Variants in TMEM108 observed in about 807,000 individuals in gnomAD.
The protein encoded by TMEM108 is transmembrane protein 108.
A neutral mutation model predicts 35.1 loss-of-function variants in TMEM108; 12 were observed. That is an observed-to-expected ratio of 0.34 (90% CI 0.22 to 0.55). The LOEUF (loss-of-function observed/expected upper bound fraction) is 0.55, where lower values mean the gene tolerates loss of function less well. Among genes scored for constraint, TMEM108 ranks in the 20% least tolerant of loss-of-function variants. The probability of loss-of-function intolerance (pLI) is 0.89; values close to 1 mark genes in which losing one functional copy is unlikely to be tolerated. For synonymous variants in TMEM108, 287 were observed against 308.6 expected (o/e 0.93, Z 0.73); for missense variants, 680 against 753.3 (o/e 0.90, Z 1.14).
At chr3:133,340,456 A>G (rs140442537) in intron 3 of TMEM108, among the ~76,000 whole-genome samples, 1,739 of 151,740 alleles carry the variant, frequency 0.011, 15 homozygotes, top group Non-Finnish European at 0.015. Flanking sequence ...TTCTCCTAGC[A>G]AAGAAAAGCC....
At chr3:133,191,502 C>T (rs2107814670) in intron 2 of TMEM108, among the ~76,000 whole-genome samples, 1 of 152,246 alleles carries the variant, frequency 6.6e-6, no homozygotes, top group South Asian at 2.1e-4. Context: ...GTATATTTTT[C>T]ACTCATGCCA....
At chr3:133,157,432 T>TAC (rs1944897739) in intron 2 of TMEM108, among the ~76,000 whole-genome samples, 1 of 152,216 alleles carries the variant, frequency 6.6e-6, no homozygotes, top group Non-Finnish European at 1.5e-5. Flanking sequence ...TGTGTACACA[T>TAC]ACACACACAT....
At chr3:133,363,488 C>T (rs554655429) in intron 3 of TMEM108, among the ~76,000 whole-genome samples, 60 of 151,848 alleles carry the variant, frequency 4.0e-4, no homozygotes, top group African/African-American at 1.3e-3. Flanking sequence ...CACAGTTCAC[C>T]GCAGCCTCCT....
intron 3 of TMEM108, among the ~76,000 whole-genome samples, chr3:133,318,862 G>A (rs571395525): frequency 2.4e-4 from 35 of 145,230 alleles, no homozygotes; most frequent in African/African-American, 8.8e-4. Context: ...GAGCATAACA[G>A]GAAAACCAAA....
At chr3:133,187,041 G>T (rs1945431259) in intron 2 of TMEM108, among the ~76,000 whole-genome samples, 1 of 152,094 alleles carries the variant, frequency 6.6e-6, no homozygotes, top group South Asian at 2.1e-4. Context: ...TACTATATTT[G>T]ATTGTAAGCC....
chr3:133,243,866 G>A (rs925140552), intron 3 of TMEM108, among the ~76,000 whole-genome samples: 2 of 152,112 alleles, frequency 1.3e-5, no homozygotes, highest in African/African-American at 2.4e-5. Flanking sequence ...GCGGTCCCTA[G>A]AAGCAGACCT....
chr3:133,106,746 A>G (rs185811782), intron 2 of TMEM108, among the ~76,000 whole-genome samples: 121 of 152,332 alleles, frequency 7.9e-4, no homozygotes, highest in Non-Finnish European at 1.4e-3. Flanking sequence ...TGGCAGGACT[A>G]TGCAAGATCC....
chr3:133,367,369 G>C (rs576795432), intron 3 of TMEM108, among the ~76,000 whole-genome samples: 4 of 152,350 alleles, frequency 2.6e-5, no homozygotes, highest in South Asian at 4.1e-4. Context: ...TAGTGGAGGA[G>C]GGAAAAGGAG....
chr3:133,371,548 C>G (rs1190562557), intron 3 of TMEM108, among the ~76,000 whole-genome samples: 1 of 138,708 alleles, frequency 7.2e-6, no homozygotes, highest in African/African-American at 2.7e-5. Context: ...AAGAAGTAGC[C>G]ATACCACCTT....
chr3:133,367,261 G>T (rs946456880), intron 3 of TMEM108, among the ~76,000 whole-genome samples: 1 of 152,174 alleles, frequency 6.6e-6, no homozygotes, highest in African/African-American at 2.4e-5. Flanking sequence ...TTGCTGTCAG[G>T]TGCAGCCATA....
chr3:133,284,775 A>G (rs112693296), intron 3 of TMEM108, among the ~76,000 whole-genome samples: 23 of 152,322 alleles, frequency 1.5e-4, no homozygotes, highest in African/African-American at 5.5e-4. Flanking sequence ...TCTTATTCAA[A>G]CCAAGAATTA....
At chr3:133,304,014 A>G (rs1280901705) in intron 3 of TMEM108, among the ~76,000 whole-genome samples, 2 of 152,232 alleles carry the variant, frequency 1.3e-5, no homozygotes, top group Admixed American at 6.5e-5. Flanking sequence ...GCTTCAACCC[A>G]TAGTAATATG....
Position 133,284,731 on chromosome 3 carries a change from G to T in TMEM108, c.40+55380G>T, listed in dbSNP as rs1046880948. Among the ~76,000 whole-genome samples the T allele has an allele frequency of 2.0e-5, 3 of 152,256 alleles. No individual in the cohort carries two copies. In the East Asian group the frequency reaches 5.8e-4, roughly 29 times the overall value. On this transcript the variant is annotated intron_variant, in intron 3 of 5. Coordinates refer to ENST00000321871, the MANE Select transcript of TMEM108 (RefSeq NM_023943.4). ...ATTTTTCTGAATTGCTGCCTCTGTT[G>T]TTCAAACCATCCCGGATTAATGACA... is the stretch of plus-strand genomic sequence containing the variant.
intron 3 of TMEM108, among the ~76,000 whole-genome samples, chr3:133,336,915 C>G (rs1173797927): frequency 6.6e-6 from 1 of 152,112 alleles, no homozygotes; most frequent in Non-Finnish European, 1.5e-5. Context: ...ACTGGCAGTA[C>G]TCCCCTGTGG....
chr3:133,292,210 T>C (rs1221035372), intron 3 of TMEM108, among the ~76,000 whole-genome samples: 1 of 152,190 alleles, frequency 6.6e-6, no homozygotes, highest in Admixed American at 6.5e-5. Flanking sequence ...TGTGCAAGTA[T>C]GGATAAGGAA....
chr3:133,359,072 G>A (rs1026024447), intron 3 of TMEM108, among the ~76,000 whole-genome samples: 4 of 152,152 alleles, frequency 2.6e-5, no homozygotes, highest in Non-Finnish European at 5.9e-5. Context: ...TGGCAAAATT[G>A]AGTACTGTAA....
At chr3:133,190,541 T>C (rs753574931) in intron 2 of TMEM108, among the ~76,000 whole-genome samples, 10 of 152,240 alleles carry the variant, frequency 6.6e-5, no homozygotes, top group Non-Finnish European at 1.5e-4. Flanking sequence ...GACCACCTTC[T>C]GCTGTCATTA....
intron 2 of TMEM108, among the ~76,000 whole-genome samples, chr3:133,095,785 A>G (rs1944005201): frequency 6.6e-6 from 1 of 152,206 alleles, no homozygotes; most frequent in Non-Finnish European, 1.5e-5. Flanking sequence ...CTGTAAGTAC[A>G]GATGAAGTTT....
At chr3:133,295,635 C>T (rs9867089) in intron 3 of TMEM108, among the ~76,000 whole-genome samples, 1 of 151,982 alleles carries the variant, frequency 6.6e-6, no homozygotes, top group East Asian at 1.9e-4. Context: ...GCTTGGAATC[C>T]AAGATGTTCC....
Sources: allele counts gnomAD v4.1 joint callset (sites outside exome capture counted in the v4.1 genomes callset), GRCh38; gene constraint gnomAD v4.1.1; transcripts MANE v1.5; gene names NCBI Gene and HGNC (gene_info 2026-07-23, HGNC 2026-07-21).